PPHLN1: variants seen among roughly 807,000 people sequenced by gnomAD.
The protein encoded by PPHLN1 is periphilin-1.
PPHLN1 carries 29 observed loss-of-function variants against 51.3 expected under a neutral mutation model. The ratio of observed to expected loss-of-function variants is 0.57; its 90% CI spans 0.42 to 0.77. PPHLN1 has a LOEUF of 0.77. Ranked by LOEUF, PPHLN1 falls within the 30% of genes least tolerant of loss-of-function variation. PPHLN1 has a pLI of 0.00. For synonymous variants in PPHLN1, 147 were observed against 147.8 expected (o/e 0.99, Z 0.04); for missense variants, 436 against 438.4 (o/e 0.99, Z 0.05).
At chr12:42,335,210 G>A (rs531451431) in intron 1 of PPHLN1, among the ~76,000 whole-genome samples, 1 of 151,594 alleles carries the variant, frequency 6.6e-6, no homozygotes, top group Non-Finnish European at 1.5e-5. Flanking sequence ...AGAATACACC[G>A]TCCCACCCCC....
intron 9 of PPHLN1, among the ~76,000 whole-genome samples, chr12:42,437,982 C>G (rs891787205): frequency 1.4e-4 from 21 of 152,026 alleles, no homozygotes; most frequent in African/African-American, 4.8e-4. Flanking sequence ...ACTTAAGATT[C>G]TTTCGTGTCA....
At chr12:42,376,613 C>G (rs1669911) in intron 5 of PPHLN1, among the ~76,000 whole-genome samples, 1 of 151,824 alleles carries the variant, frequency 6.6e-6, no homozygotes, top group Non-Finnish European at 1.5e-5. Context: ...CATAGTGAGA[C>G]CCCTGTCTCT....
At chr12:42,445,337 G>A (rs2083253030), downstream of PPHLN1, 7 of 539,616 alleles carry the variant, frequency 1.3e-5, no homozygotes, top group East Asian at 3.3e-5. Context: ...AAATTATCCT[G>A]CAATGCCCAG....
At chr12:42,414,499 G>C (rs577381643) in intron 9 of PPHLN1, among the ~76,000 whole-genome samples, 8 of 152,052 alleles carry the variant, frequency 5.3e-5, no homozygotes, top group Non-Finnish European at 1.2e-4. Context: ...TCTGGTTAAG[G>C]ATATTCCTAG....
At chr12:42,337,516 G>A (rs907393265) in intron 2 of PPHLN1, among the ~76,000 whole-genome samples, 22 of 151,898 alleles carry the variant, frequency 1.4e-4, no homozygotes, top group African/African-American at 4.8e-4. Context: ...GGCTGGTCTC[G>A]AACTCCTGAC....
At chr12:42,392,379 T>C (rs74702535) in intron 7 of PPHLN1, among the ~76,000 whole-genome samples, 4,598 of 152,312 alleles carry the variant, frequency 0.03, 91 homozygotes, top group Non-Finnish European at 0.043. Flanking sequence ...CTTCTTTTGG[T>C]TCATAGATAA....
intron 2 of PPHLN1, among the ~76,000 whole-genome samples, chr12:42,336,177 A>C (rs1398649219): frequency 2.6e-5 from 4 of 152,184 alleles, no homozygotes; most frequent in Non-Finnish European, 5.9e-5. Flanking sequence ...CTTATTATTT[A>C]TATTTCTTGT....
At chr12:42,335,025 C>T (rs1020907865) in intron 1 of PPHLN1, among the ~76,000 whole-genome samples, 8 of 152,122 alleles carry the variant, frequency 5.3e-5, no homozygotes, top group Non-Finnish European at 1.5e-5. Context: ...TATAGTATTG[C>T]CATTTCATAT....
At chr12:42,413,863 G>A (rs1195119916) in intron 9 of PPHLN1, among the ~76,000 whole-genome samples, 2 of 150,076 alleles carry the variant, frequency 1.3e-5, no homozygotes, top group Non-Finnish European at 3.0e-5. Context: ...GTGCCCAGCC[G>A]ATAACTGTAG....
intron 4 of PPHLN1, among the ~76,000 whole-genome samples, chr12:42,367,142 G>GA (rs1328148863): frequency 1.3e-5 from 2 of 151,804 alleles, no homozygotes; most frequent in Admixed American, 1.3e-4. Context: ...CTATCTCAGG[G>GA]AAAAAAGGAG....
chr12:42,419,899 A>G (rs2080830156), intron 9 of PPHLN1, among the ~76,000 whole-genome samples: 1 of 152,226 alleles, frequency 6.6e-6, no homozygotes, highest in African/African-American at 2.4e-5. Flanking sequence ...CCTGATTTCT[A>G]TATGGATAGT....
chr12:42,359,036 T>A lies in PPHLN1; in HGVS notation c.299+3814T>A, dbSNP rs374535531. Among the ~76,000 whole-genome samples, 13 of 152,326 alleles carry A rather than the reference T, an allele frequency of 8.5e-5. No homozygotes were observed. The East Asian group carries it at 2.3e-3, about 27-fold the overall frequency. ...TTCTTATTTACTAATATAAGTAGTTTGAAATTTCCTTTAAGTAGTGCCATG... is the reference window on the plus strand; with the variant it reads ...TTCTTATTTACTAATATAAGTAGTTAGAAATTTCCTTTAAGTAGTGCCATG... On this transcript the variant is annotated intron_variant, in intron 4 of 9. Transcript: ENST00000358314.
intron 9 of PPHLN1, among the ~76,000 whole-genome samples, chr12:42,433,741 T>C (rs748689716): frequency 1.3e-5 from 2 of 152,222 alleles, no homozygotes; most frequent in Non-Finnish European, 2.9e-5. Context: ...TCATCCTCCT[T>C]GTCTTCACAT....
chr12:42,351,888 G>A lies in PPHLN1; in HGVS notation c.76G>A (p.Gly26Ser). Reference sequence around the variant, plus strand: ...TATTTCTTTTTGTCTGTTTTAGGATGGCTACAATAGACTAGTTAATATTGT... The same window carrying A: ...TATTTCTTTTTGTCTGTTTTAGGATAGCTACAATAGACTAGTTAATATTGT... ...RAPPRSHPSD[G>S]YNRLVNIVPK... The change falls in exon 3 of 10, where the codon GGC becomes AGC. Residue 26 changes from glycine (G) to serine (S), a missense_variant. By Grantham distance (56) the Gly-to-Ser change is moderately conservative (BLOSUM62 0). Transcript: ENST00000358314. 1 of 1,551,628 alleles carries A rather than the reference G, an allele frequency of 6.4e-7. No homozygotes were observed. Among genetic ancestry groups the A allele is most frequent in the African/African-American group, 1.4e-5 (1 of 70,816 alleles).
chr12:42,391,430 G>C (rs1156812566), intron 7 of PPHLN1, among the ~76,000 whole-genome samples: 1 of 151,990 alleles, frequency 6.6e-6, no homozygotes, highest in Non-Finnish European at 1.5e-5. Context: ...GTAGAGATGG[G>C]GTTTCACCGT....
intron 6 of PPHLN1, among the ~76,000 whole-genome samples, chr12:42,386,686 TAATGA>T (rs2077220382): frequency 1.3e-5 from 2 of 152,228 alleles, no homozygotes; most frequent in Admixed American, 6.5e-5. Context: ...ATAGACAATT[TAATGA>T]AATGTTTTTC....
intron 5 of PPHLN1, among the ~76,000 whole-genome samples, chr12:42,382,293 C>T (rs192460471): frequency 1.2e-3 from 180 of 152,246 alleles, no homozygotes; most frequent in Non-Finnish European, 5.3e-4. Context: ...TATATGGAAC[C>T]AGTATTTGAA....
chr12:42,359,446 A>G (rs147694530), intron 4 of PPHLN1: 1 of 152,346 alleles, frequency 6.6e-6, no homozygotes, highest in Non-Finnish European at 1.5e-5. Flanking sequence ...AAAGCAGGGA[A>G]TAGAGAGTAT....
intron 4 of PPHLN1, among the ~76,000 whole-genome samples, chr12:42,367,375 A>T (rs946069669): frequency 6.6e-6 from 1 of 152,072 alleles, no homozygotes; most frequent in Admixed American, 6.5e-5. Flanking sequence ...ATAAAAACAC[A>T]ATTTATGATA....
Sources: allele counts gnomAD v4.1 joint callset (sites outside exome capture counted in the v4.1 genomes callset), GRCh38; gene constraint gnomAD v4.1.1; transcripts MANE v1.5; gene names NCBI Gene and HGNC (gene_info 2026-07-23, HGNC 2026-07-21).